Variants in HDAC9 observed in about 807,000 individuals in gnomAD.
HDAC9 encodes MEF-2 interacting transcription repressor (MITR) protein.
Under a neutral mutation model 139.4 loss-of-function variants are expected in HDAC9, and 41 were observed. The ratio of observed to expected loss-of-function variants is 0.29; its 90% CI spans 0.23 to 0.38. The LOEUF (loss-of-function observed/expected upper bound fraction) is 0.38. Among genes scored for constraint, HDAC9 ranks in the 10% least tolerant of loss-of-function variants. The probability of loss-of-function intolerance (pLI) is 1.00; values close to 1 mark genes in which losing one functional copy is unlikely to be tolerated. For synonymous variants in HDAC9, 517 were observed against 476.2 expected, an observed-to-expected ratio of 1.09 and a Z score of -1.12; for missense variants, 1,147 against 1,297.0, an observed-to-expected ratio of 0.88 and a Z score of 1.78.
intron 2 of HDAC9, among the ~76,000 whole-genome samples, chr7:18,526,919 A>G (rs1374207086): frequency 2.0e-5 from 3 of 152,118 alleles, no homozygotes; most frequent in South Asian, 2.1e-4. Flanking sequence ...TTCAGAGACA[A>G]TGTCTTTGAA....
intron 2 of HDAC9, among the ~76,000 whole-genome samples, chr7:18,184,714 C>T (rs898875988): frequency 3.9e-5 from 6 of 152,134 alleles, no homozygotes; most frequent in African/African-American, 1.2e-4. Flanking sequence ...TCTCTTGACC[C>T]TCGGATTATT....
At chr7:18,929,214 A>G (rs986262998) in intron 22 of HDAC9, among the ~76,000 whole-genome samples, 55 of 152,300 alleles carry the variant, frequency 3.6e-4, no homozygotes, top group African/African-American at 1.2e-3. Context: ...ATACTGACAC[A>G]ATATGATTTC....
Position 18,998,751 on chromosome 7 carries a change from G to T in HDAC9, c.*2689G>T, listed in dbSNP as rs1023824639. The T allele has an allele frequency of 1.3e-5, 2 of 152,146 alleles. No homozygotes were observed. The allele number at this position is 152,146 out of a possible 1,614,324, so 9.4% of individuals were successfully genotyped here. On this transcript the variant is annotated 3_prime_UTR_variant, in exon 26 of 26. Coordinates refer to ENST00000686413, the MANE Select transcript of HDAC9 (RefSeq NM_178425.4). ...TATTATCAATTTTGCATCTCCTTGTGATACTTACTTTGAAGGAAAATCACA... is the reference window on the plus strand; with the variant it reads ...TATTATCAATTTTGCATCTCCTTGTTATACTTACTTTGAAGGAAAATCACA...
At chr7:18,567,908 CAAAT>C (rs1375723539) in intron 2 of HDAC9, among the ~76,000 whole-genome samples, 1 of 151,448 alleles carries the variant, frequency 6.6e-6, no homozygotes, top group Non-Finnish European at 1.5e-5. Context: ...ATTTAAATGT[CAAAT>C]AAGCAGAATA....
chr7:18,364,129 A>G (rs764707069), intron 1 of HDAC9, among the ~76,000 whole-genome samples: 4 of 152,156 alleles, frequency 2.6e-5, no homozygotes, highest in Non-Finnish European at 4.4e-5. Context: ...TTCAGGATGC[A>G]AAGTTGGCGT....
intron 16 of HDAC9, among the ~76,000 whole-genome samples, chr7:18,784,023 G>A (rs1252965918): frequency 6.6e-6 from 1 of 151,932 alleles, no homozygotes; most frequent in Non-Finnish European, 1.5e-5. Context: ...CTGACATTAT[G>A]TCTATGTCCC....
At chr7:18,699,016 C>T (rs963291003) in intron 12 of HDAC9, among the ~76,000 whole-genome samples, 1 of 152,076 alleles carries the variant, frequency 6.6e-6, no homozygotes, top group Non-Finnish European at 1.5e-5. Context: ...CACAATAGTT[C>T]GTCTTCAGAC....
intron 19 of HDAC9, among the ~76,000 whole-genome samples, chr7:18,832,265 A>T (rs551888079): frequency 6.6e-6 from 1 of 152,344 alleles, no homozygotes; most frequent in East Asian, 1.9e-4. Context: ...TTGTAAAAGG[A>T]AAGTTAATTC....
intron 2 of HDAC9, among the ~76,000 whole-genome samples, chr7:18,518,698 C>A (rs1300455197): frequency 6.6e-6 from 1 of 152,200 alleles, no homozygotes; most frequent in Non-Finnish European, 1.5e-5. Flanking sequence ...ATTTAACTGG[C>A]CCTGAGGGAA....
At chr7:18,685,423 T>C (rs1782199962) in intron 12 of HDAC9, among the ~76,000 whole-genome samples, 2 of 152,102 alleles carry the variant, frequency 1.3e-5, no homozygotes, top group African/African-American at 2.4e-5. Flanking sequence ...AGTTTCCTCA[T>C]TTGTTAATTG....
At position 18,835,384 on chromosome 7, in the gene HDAC9, A is replaced by T. The variant is rs1044707896; in HGVS notation, c.2467-83A>T. 3.6e-6 allele frequency: 5 copies of T among 1,381,558 alleles called. No individual in the cohort carries two copies. In the African/African-American group the frequency reaches 5.8e-5, roughly 16 times the overall value. 85.6% of individuals were successfully genotyped at this position (1,381,558 alleles called of 1,614,324 possible). ...AAATGAGAAAGAAAGTGGTAGAAAG[A>T]CAGGGAACTAGAAATCAGAAAGGTT... On this transcript the variant is annotated intron_variant, in intron 19 of 25. Transcript: ENST00000686413.
chr7:18,205,029 G>A (rs1163596777), intron 2 of HDAC9, among the ~76,000 whole-genome samples: 2 of 151,686 alleles, frequency 1.3e-5, no homozygotes, highest in Non-Finnish European at 2.9e-5. Context: ...ATAAACCCAC[G>A]GATACATATA....
intron 2 of HDAC9, among the ~76,000 whole-genome samples, chr7:18,170,779 G>A (rs1462542946): frequency 6.6e-6 from 1 of 152,132 alleles, no homozygotes; most frequent in Non-Finnish European, 1.5e-5. Flanking sequence ...TATTTCTGAA[G>A]CATCTGTTCT....
intron 22 of HDAC9, among the ~76,000 whole-genome samples, chr7:18,919,221 A>T (rs1197661996): frequency 1.3e-5 from 2 of 152,020 alleles, no homozygotes; most frequent in Non-Finnish European, 2.9e-5. Flanking sequence ...CCTTATCGTG[A>T]TACCTAAACT....
intron 21 of HDAC9, among the ~76,000 whole-genome samples, chr7:18,867,299 A>T (rs549496580): frequency 6.6e-6 from 1 of 152,318 alleles, no homozygotes; most frequent in South Asian, 2.1e-4. Context: ...TCACCAGTGA[A>T]TCCTCCTTAT....
chr7:18,530,953 C>T (rs991816726), intron 2 of HDAC9, among the ~76,000 whole-genome samples: 6 of 151,850 alleles, frequency 4.0e-5, no homozygotes, highest in African/African-American at 1.4e-4. Context: ...CAGCCCGACT[C>T]GTTTCAGTAC....
intron 2 of HDAC9, among the ~76,000 whole-genome samples, chr7:18,500,629 C>G (rs1798116472): frequency 6.6e-6 from 1 of 152,128 alleles, no homozygotes; most frequent in South Asian, 2.1e-4. Context: ...TTCTTGTTTT[C>G]TCTTGTGGCT....
intron 1 of HDAC9, among the ~76,000 whole-genome samples, chr7:18,418,471 T>TA (rs1335752181): frequency 1.3e-4 from 20 of 151,474 alleles, no homozygotes; most frequent in African/African-American, 4.6e-4. Context: ...TTAAAGTTTT[T>TA]AAAAATAAGA....
chr7:18,809,779 T>A (rs765586481), intron 17 of HDAC9, among the ~76,000 whole-genome samples: 2 of 151,930 alleles, frequency 1.3e-5, no homozygotes, highest in Non-Finnish European at 2.9e-5. Context: ...GGAATCTAAA[T>A]GGGAAATTTA....
Sources: gnomAD v4.1 joint callset for allele counts (sites outside exome capture counted in the v4.1 genomes callset) on GRCh38, gnomAD v4.1.1 for gene constraint, MANE v1.5 for transcripts, NCBI Gene and HGNC (gene_info 2026-07-23, HGNC 2026-07-21) for gene names.